Variants in VTA1 observed in about 807,000 individuals in gnomAD.
VTA1 encodes vesicle trafficking 1, also known as vacuolar protein sorting-associated protein VTA1 homolog.
VTA1 carries 24 observed loss-of-function variants against 36.9 expected under a neutral mutation model. That is an observed-to-expected ratio of 0.65 (90% CI 0.47 to 0.91). The LOEUF is 0.91. Among genes scored for constraint, VTA1 ranks in the 40% least tolerant of loss-of-function variants. The probability of loss-of-function intolerance (pLI) is 0.00; values close to 1 mark genes in which losing one functional copy is unlikely to be tolerated. For synonymous variants in VTA1, 142 were observed against 130.2 expected (o/e 1.09, Z -0.62); for missense variants, 393 against 377.2 (o/e 1.04, Z -0.35).
intron 4 of VTA1, among the ~76,000 whole-genome samples, chr6:142,179,586 AAAG>A (rs1047698854): frequency 6.6e-6 from 1 of 152,162 alleles, no homozygotes; most frequent in East Asian, 1.9e-4. Flanking sequence ...CTGAGCAAAA[AAAG>A]AGCCGGAAGT....
intron 5 of VTA1, among the ~76,000 whole-genome samples, chr6:142,195,893 T>C (rs1364784647): frequency 6.6e-6 from 1 of 152,130 alleles, no homozygotes; most frequent in African/African-American, 2.4e-5. Context: ...GAGAACATAC[T>C]ATAAAAGATT....
intron 7 of VTA1, among the ~76,000 whole-genome samples, chr6:142,204,791 C>T (rs187113887): frequency 1.6e-4 from 24 of 152,156 alleles, no homozygotes; most frequent in African/African-American, 5.5e-4. Context: ...GTGGCGCAAT[C>T]TCAGCTCACT....
Position 142,211,603 on chromosome 6 carries a change from C to A in VTA1, c.779-6895C>A, listed in dbSNP as rs770850303. Among the ~76,000 whole-genome samples the A allele has an allele frequency of 3.3e-5, 5 of 151,564 alleles. No individual in the cohort carries two copies. The East Asian group carries it at 9.8e-4, about 30-fold the overall frequency. ...GCAGGCGCCTCTAATCCCAGCTACT[C>A]GGGAGGCTGAGGCAGGAGAATGGCA... On this transcript the variant is annotated intron_variant, in intron 7 of 7. Transcript: ENST00000367630.
chr6:142,197,398 G>A (rs1430862143), intron 5 of VTA1, among the ~76,000 whole-genome samples: 1 of 152,200 alleles, frequency 6.6e-6, no homozygotes, highest in African/African-American at 2.4e-5. Context: ...TGATGAGTCT[G>A]TAGCTCTAGC....
In VTA1 at chr6:142,223,263, A is replaced by C. The variant is rs889711721; in HGVS notation, c.*4620A>C. On this transcript the variant is annotated 3_prime_UTR_variant, in exon 8 of 8. Transcript: ENST00000367630. Reference sequence around the variant, plus strand: ...TATGACCTGAAATTGTATGGACTGCAGCAATCCAAGGGGACACTAAGCAGG... The same window carrying C: ...TATGACCTGAAATTGTATGGACTGCCGCAATCCAAGGGGACACTAAGCAGG... 2 of 152,230 alleles carry C rather than the reference A, an allele frequency of 1.3e-5. No homozygotes were observed. Among genetic ancestry groups the C allele is most frequent in the African/African-American group, 4.8e-5 (2 of 41,468 alleles). The allele number at this position is 152,230 out of a possible 1,614,324, so 9.4% of individuals were successfully genotyped here. A position where few individuals can be genotyped will look rare whatever the true frequency, so the allele number is the denominator to read the frequency against.
At chr6:142,178,090 G>A (rs1389822910) in intron 4 of VTA1, among the ~76,000 whole-genome samples, 1 of 152,086 alleles carries the variant, frequency 6.6e-6, no homozygotes, top group Non-Finnish European at 1.5e-5. Context: ...AAGCACAGTG[G>A]ACAATTAGGT....
intron 5 of VTA1, among the ~76,000 whole-genome samples, chr6:142,198,115 ATATATGTGTGTGTGTG>A (rs1164630374): frequency 2.2e-4 from 17 of 76,546 alleles, no homozygotes; most frequent in African/African-American, 6.9e-4. Flanking sequence ...ATATATATAT[ATATATGTGTGTGTGTG>A]TGTGTGTGTG....
At chr6:142,179,110 AAAAT>A (rs1775177515) in intron 4 of VTA1, among the ~76,000 whole-genome samples, 1 of 152,112 alleles carries the variant, frequency 6.6e-6, no homozygotes, top group African/African-American at 2.4e-5. Flanking sequence ...CAAAAAAAGA[AAAAT>A]AAGGAAAAAC....
chr6:142,201,121 G>GTA (rs1329491963), intron 6 of VTA1, among the ~76,000 whole-genome samples: 2 of 151,744 alleles, frequency 1.3e-5, no homozygotes, highest in East Asian at 3.8e-4. Context: ...TTTTCTGATA[G>GTA]TATATTTCCC....
Position 142,219,842 on chromosome 6 carries a change from T to C in VTA1, c.*1199T>C, listed in dbSNP as rs190485491. On this transcript the variant is annotated 3_prime_UTR_variant, in exon 8 of 8. Coordinates refer to ENST00000367630, the MANE Select transcript of VTA1 (RefSeq NM_016485.5). ...CTTTGGCCCATGGATTGGCCACCTG[T>C]TACGTAAATAAAGTTTCTTTGAAAC... 219 of 152,294 alleles carry C rather than the reference T, an allele frequency of 1.4e-3. 1 individual carries two copies. The highest frequency in any genetic ancestry group is 5.2e-3 in the African/African-American group (216 of 41,560). 9.4% of individuals were successfully genotyped at this position (152,294 alleles called of 1,614,324 possible). A position where few individuals can be genotyped will look rare whatever the true frequency, so the allele number is the denominator to read the frequency against.
chr6:142,186,005 G>A (rs904679962), intron 4 of VTA1, among the ~76,000 whole-genome samples: 1 of 152,144 alleles, frequency 6.6e-6, no homozygotes, highest in Non-Finnish European at 1.5e-5. Context: ...AGGACACTTT[G>A]TCAGCATCCT....
Position 142,220,581 on chromosome 6 carries a change from A to G in VTA1, c.*1938A>G, listed in dbSNP as rs1287577207. On this transcript the variant is annotated 3_prime_UTR_variant, in exon 8 of 8. Coordinates refer to ENST00000367630, the MANE Select transcript of VTA1 (RefSeq NM_016485.5). ...AGCATTTCATAAATGTTTAGTGTCA[A>G]TACTAATGCTCTAATAATGTAAATT... 2 of 152,200 alleles carry G rather than the reference A, an allele frequency of 1.3e-5. No homozygotes were observed. The highest frequency in any genetic ancestry group is 3.9e-4 in the East Asian group (2 of 5,194). 9.4% of individuals were successfully genotyped at this position (152,200 alleles called of 1,614,324 possible).
intron 1 of VTA1, among the ~76,000 whole-genome samples, chr6:142,149,171 A>AT (rs1257628780): frequency 6.6e-6 from 1 of 152,208 alleles, no homozygotes; most frequent in Non-Finnish European, 1.5e-5. Flanking sequence ...ATAGTTGTCC[A>AT]TAAGTTAGCT....
chr6:142,172,260 C>T (rs779613423), intron 4 of VTA1, among the ~76,000 whole-genome samples: 20 of 152,150 alleles, frequency 1.3e-4, no homozygotes, highest in South Asian at 2.1e-4. Context: ...CCACCTGCCT[C>T]GGCCTCCCAA....
At chr6:142,187,912 CTTTTT>C (rs58131768) in intron 4 of VTA1, among the ~76,000 whole-genome samples, 19 of 120,686 alleles carry the variant, frequency 1.6e-4, no homozygotes, top group Middle Eastern at 4.8e-3. Context: ...TACTTTCTTT[CTTTTT>C]TTTTTTTTTT....
intron 1 of VTA1, among the ~76,000 whole-genome samples, chr6:142,151,231 T>A (rs1222944966): frequency 6.6e-6 from 1 of 152,162 alleles, no homozygotes; most frequent in Non-Finnish European, 1.5e-5. Flanking sequence ...GACAGGGATG[T>A]GGAGGGACCA....
intron 1 of VTA1, among the ~76,000 whole-genome samples, chr6:142,161,100 G>A (rs1005841967): frequency 1.5e-5 from 2 of 133,142 alleles, no homozygotes; most frequent in East Asian, 2.4e-4. Flanking sequence ...CTTTTTTTGG[G>A]TCAAATAGTG....
At chr6:142,204,967 G>T (rs534125750) in intron 7 of VTA1, among the ~76,000 whole-genome samples, 2 of 151,988 alleles carry the variant, frequency 1.3e-5, no homozygotes, top group African/African-American at 2.4e-5. Context: ...CTCATAATCC[G>T]CCTGCCTCAG....
rs11357585 is a variant in VTA1, at chr6:142,157,870, G to GT, written c.113-8346dup. Reference sequence around the variant, plus strand: ...GATTTTTATGTTTTTACTATTTTGGGTTTTTTTTTTTTAACCTCAATTTAT... The same window carrying GT: ...GATTTTTATGTTTTTACTATTTTGGGTTTTTTTTTTTTTAACCTCAATTTAT... On this transcript the variant is annotated intron_variant, in intron 1 of 7. Coordinates refer to ENST00000367630, the MANE Select transcript of VTA1 (RefSeq NM_016485.5). Among the ~76,000 whole-genome samples the GT allele has an allele frequency of 5.0e-3, 682 of 137,410 alleles. 4 individuals carry two copies. The highest frequency in any genetic ancestry group is 7.4e-3 in the Middle Eastern group (2 of 270). 90.1% of individuals were successfully genotyped at this position (137,410 alleles called of 152,430 possible).
Sources: allele counts gnomAD v4.1 joint callset (sites outside exome capture counted in the v4.1 genomes callset), GRCh38; gene constraint gnomAD v4.1.1; transcripts MANE v1.5; gene names NCBI Gene and HGNC (gene_info 2026-07-23, HGNC 2026-07-21).